Variants in DAGLA observed in about 807,000 individuals in gnomAD.
DAGLA encodes the protein diacylglycerol lipase alpha.
In DAGLA, 22 loss-of-function variants were observed where a neutral mutation model predicts 102.6. That is an observed-to-expected ratio of 0.21 (90% CI 0.15 to 0.31). The LOEUF is 0.31. Ranked by LOEUF, DAGLA falls within the 10% of genes least tolerant of loss-of-function variation. The probability of loss-of-function intolerance (pLI) is 1.00; values close to 1 mark genes in which losing one functional copy is unlikely to be tolerated. For synonymous variants in DAGLA, 578 were observed against 628.9 expected (o/e 0.92, Z 1.21); for missense variants, 927 against 1,446.6 (o/e 0.64, Z 5.83).
intron 16 of DAGLA, 59 bp from the exon 17 acceptor site, chr11:61,739,406 T>A: frequency 3.7e-4 from 338 of 921,678 alleles, no homozygotes; most frequent in Non-Finnish European, 4.8e-4. Flanking sequence ...CCCCTGCCCC[T>A]GCCCCCCAGC....
intron 5 of DAGLA, among the ~76,000 whole-genome samples, chr11:61,725,325 C>T (rs2065316265): frequency 1.3e-5 from 2 of 152,148 alleles, no homozygotes; most frequent in Non-Finnish European, 2.9e-5. Flanking sequence ...GATTCTCCAT[C>T]TGAGCAGCCA....
rs2064984602 is a variant in DAGLA, at chr11:61,686,209, C to G, written c.-45+5705C>G. Among the ~76,000 whole-genome samples the G allele has an allele frequency of 6.6e-6, 1 of 151,866 alleles. No individual in the cohort carries two copies. Among genetic ancestry groups the G allele is most frequent in the African/African-American group, 2.4e-5 (1 of 41,324 alleles). ...ATCATGAGATTGGTCAGTGTGGTCA[C>G]TAGGAGGGGAAGGGGTGGGAAGTGG... On this transcript the variant is annotated intron_variant, in intron 1 of 19. Transcript: ENST00000257215. This position sits in a 1 kb window ranked among gnomAD's most constrained non-coding sequence, Gnocchi z 5.2.
Position 61,739,585 on chromosome 11 carries a change from C to G in DAGLA, c.1777C>G (p.Leu593Val), listed in dbSNP as rs778910873. ...CCACCCCAGCGACCTAACTATAGCC[C>G]TCTCAGCCAGCACTCCACTCTACCC... ...WTHPSDLTIA[L>V]SASTPLYPPG... The change falls in exon 17 of 20, where the codon CTC becomes GTC. Residue 593 changes from leucine (L) to valine (V), a missense_variant. Transcript: ENST00000257215. 1 of 1,614,188 alleles carries G rather than the reference C, an allele frequency of 6.2e-7. No individual in the cohort carries two copies. Among genetic ancestry groups the G allele is most frequent in the Non-Finnish European group, 8.5e-7 (1 of 1,180,040 alleles).
At chr11:61,735,369 C>T (rs2065414274) in intron 10 of DAGLA, among the ~76,000 whole-genome samples, 192 bp from the exon 11 acceptor site, 1 of 152,144 alleles carries the variant, frequency 6.6e-6, no homozygotes, top group Non-Finnish European at 1.5e-5. Flanking sequence ...GCGGGGAGGG[C>T]AGGGCAGGCC....
chr11:61,711,873 C>G (rs2065196809), intron 1 of DAGLA, among the ~76,000 whole-genome samples: 1 of 152,192 alleles, frequency 6.6e-6, no homozygotes, highest in East Asian at 1.9e-4. Context: ...ACTTATTTAG[C>G]CTCTCTGGGC....
rs2065274354 is a variant in DAGLA, at chr11:61,720,718, T to C, written c.135T>C (p.Tyr45=). The C allele has an allele frequency of 6.2e-7, 1 of 1,613,982 alleles. No individual in the cohort carries two copies. The highest frequency in any genetic ancestry group is 8.5e-7 in the Non-Finnish European group (1 of 1,180,032). ...ILSVVLFGLV[Y]NPHEACSLNL... ...CCGTGGTGCTCTTCGGCCTGGTCTATAACCCGCACGAGGCCTGCTCCCTGA... is the reference window on the plus strand; with the variant it reads ...CCGTGGTGCTCTTCGGCCTGGTCTACAACCCGCACGAGGCCTGCTCCCTGA... The change falls in exon 3 of 20, where the codon TAT becomes TAC. Residue 45 remains tyrosine (Y), a synonymous_variant. Transcript: ENST00000257215.
chr11:61,697,827 C>G (rs2065079056), intron 1 of DAGLA, among the ~76,000 whole-genome samples: 1 of 152,150 alleles, frequency 6.6e-6, no homozygotes, highest in African/African-American at 2.4e-5. Flanking sequence ...GCAGCTGGGA[C>G]TACAGGCATG....
chr11:61,701,843 C>A (rs1055969815), intron 1 of DAGLA, among the ~76,000 whole-genome samples: 1 of 152,180 alleles, frequency 6.6e-6, no homozygotes, highest in Non-Finnish European at 1.5e-5. Flanking sequence ...TTTGCAATCA[C>A]AGCTCACAGC....
At chr11:61,726,586 G>T (rs991180174) in intron 6 of DAGLA, among the ~76,000 whole-genome samples, 1 of 152,200 alleles carries the variant, frequency 6.6e-6, no homozygotes, top group Non-Finnish European at 1.5e-5. Context: ...CCAAGGGGAG[G>T]GAAGGGAGGC....
chr11:61,733,304 C>T (rs1476884118), intron 9 of DAGLA, among the ~76,000 whole-genome samples: 2 of 152,228 alleles, frequency 1.3e-5, no homozygotes, highest in Non-Finnish European at 2.9e-5. Flanking sequence ...CTGCCGAGCA[C>T]AGGAGCTCAG....
chr11:61,740,654 C>T lies in DAGLA; in HGVS notation c.1983+62C>T, dbSNP rs548141972. ...AGGCACTGTCACCCCATCAGAACCCCGTAAGCACCATCAGATCACTGCCCG... is the reference window on the plus strand; with the variant it reads ...AGGCACTGTCACCCCATCAGAACCCTGTAAGCACCATCAGATCACTGCCCG... On this transcript the variant is annotated intron_variant, in intron 18 of 19. Coordinates refer to ENST00000257215, the MANE Select transcript of DAGLA (RefSeq NM_006133.3). The T allele has an allele frequency of 8.3e-5, 131 of 1,584,066 alleles. 2 individuals are homozygous for T. The Admixed American group carries it at 2.0e-3, about 25-fold the overall frequency.
chr11:61,683,387 GGCCTGTCTCACCC>G (rs543572609), intron 1 of DAGLA, among the ~76,000 whole-genome samples: 51 of 152,306 alleles, frequency 3.3e-4, no homozygotes, highest in African/African-American at 1.2e-3. Context: ...GGGTATCCAT[GGCCTGTCTCACCC>G]GCTCCCTGCA....
At chr11:61,727,179 G>A (rs940142464) in intron 6 of DAGLA, among the ~76,000 whole-genome samples, 1 of 152,248 alleles carries the variant, frequency 6.6e-6, no homozygotes, top group Non-Finnish European at 1.5e-5. Context: ...TTTGATCAGC[G>A]TGTGTTGTGT....
At position 61,743,958 on chromosome 11, in the gene DAGLA, T is replaced by C; in HGVS notation, c.2598T>C (p.Thr866=). ...LEAALGSGGV[T]PERPPSAAAN... ...CGGCCCTGGGCAGTGGCGGCGTCACTCCTGAGCGGCCCCCCAGTGCTGCGG... is the reference window on the plus strand; with the variant it reads ...CGGCCCTGGGCAGTGGCGGCGTCACCCCTGAGCGGCCCCCCAGTGCTGCGG... Residue 866 remains threonine (T), a synonymous_variant, in exon 20 of 20, where the codon ACT becomes ACC. Transcript: ENST00000257215. The C allele has an allele frequency of 1.9e-6, 3 of 1,611,840 alleles. No homozygotes were observed. Among genetic ancestry groups the C allele is most frequent in the Non-Finnish European group, 2.5e-6 (3 of 1,179,670 alleles).
At chr11:61,717,634 C>A (rs1021546431) in intron 1 of DAGLA, among the ~76,000 whole-genome samples, 1 of 152,182 alleles carries the variant, frequency 6.6e-6, no homozygotes, top group African/African-American at 2.4e-5. Flanking sequence ...GTGGTAGAGC[C>A]CAGGTTCAAA....
chr11:61,692,616 G>C (rs1378885716), intron 1 of DAGLA, among the ~76,000 whole-genome samples: 1 of 152,094 alleles, frequency 6.6e-6, no homozygotes, highest in Non-Finnish European at 1.5e-5. Context: ...GCATCTGCCA[G>C]GGGGAGAAGG....
chr11:61,707,597 C>A (rs1369639858), intron 1 of DAGLA, among the ~76,000 whole-genome samples: 1 of 152,258 alleles, frequency 6.6e-6, no homozygotes, highest in Non-Finnish European at 1.5e-5. Context: ...GAAAGTGGGT[C>A]ACGGGCTTAC....
chr11:61,731,499 A>C, intron 9 of DAGLA, 58 bp downstream of exon 9: 1 of 1,601,470 alleles, frequency 6.2e-7, no homozygotes. Context: ...GTGGTGTGTG[A>C]GGAAGGGCTA....
At chr11:61,713,863 C>T (rs1279718938) in intron 1 of DAGLA, among the ~76,000 whole-genome samples, 3 of 152,192 alleles carry the variant, frequency 2.0e-5, no homozygotes, top group Admixed American at 1.3e-4. Flanking sequence ...CATTCAAAAT[C>T]GGATGGACCA....
Sources: allele counts gnomAD v4.1 joint callset (sites outside exome capture counted in the v4.1 genomes callset), GRCh38; gene constraint gnomAD v4.1.1; non-coding constraint Gnocchi (gnomAD v3.1); transcripts MANE v1.5; gene names NCBI Gene and HGNC (gene_info 2026-07-23, HGNC 2026-07-21).